UTP20: variants seen among roughly 807,000 people sequenced by gnomAD.
The protein encoded by UTP20 is small subunit processome component 20 homolog.
A neutral mutation model predicts 329.5 loss-of-function variants in UTP20; 164 were observed. That is an observed-to-expected ratio of 0.50 (90% CI 0.44 to 0.57). The LOEUF is 0.57. UTP20 is among the 20% of genes least tolerant of loss of function. UTP20 has a pLI of 0.00. For missense variants in UTP20, 3,055 were observed against 3,284.2 expected (o/e 0.93, Z 1.71); for synonymous variants, 1,151 against 1,159.3 (o/e 0.99, Z 0.14).
At chr12:101,320,417 G>A (rs541333498) in intron 23 of UTP20, among the ~76,000 whole-genome samples, 2 of 152,168 alleles carry the variant, frequency 1.3e-5, no homozygotes, top group East Asian at 1.9e-4. Context: ...TTAGCCAAGT[G>A]TGGTGGTGGG....
chr12:101,373,990 C>CT lies in UTP20; in HGVS notation c.7131+226dup, dbSNP rs534485562. Among the ~76,000 whole-genome samples the CT allele has an allele frequency of 1.0e-3, 155 of 152,226 alleles. No individual in the cohort carries two copies. The East Asian group carries it at 0.012, about 12-fold the overall frequency. On this transcript the variant is annotated intron_variant, in intron 54 of 61. Transcript: ENST00000261637. ...GTGGCTCACGCCTGTAATCCCAGCA[C>CT]TTTGGGAGGCCGAGGCGGGCGGATC...
intron 18 of UTP20, 64 bp from the exon 19 acceptor site, chr12:101,309,699 T>C (rs942473118): frequency 9.9e-6 from 15 of 1,508,442 alleles, no homozygotes; most frequent in African/African-American, 1.4e-5. Flanking sequence ...TGTTTGCATT[T>C]CAGTACTTCT....
chr12:101,288,585 G>C (rs1259602456), intron 5 of UTP20, among the ~76,000 whole-genome samples: 2 of 152,122 alleles, frequency 1.3e-5, no homozygotes, highest in East Asian at 3.9e-4. Context: ...TCCTCTTTTA[G>C]ATGGACCAGC....
At chr12:101,370,052 T>TTA (rs1555202768) in intron 49 of UTP20, among the ~76,000 whole-genome samples, 161 bp downstream of exon 49, 11 of 122,124 alleles carry the variant, frequency 9.0e-5, no homozygotes, top group African/African-American at 3.0e-4. Context: ...CGTGTCTACA[T>TTA]AAAAAAAAAA....
intron 21 of UTP20, among the ~76,000 whole-genome samples, chr12:101,312,706 C>T (rs1012375307): frequency 3.3e-5 from 5 of 152,222 alleles, no homozygotes; most frequent in Non-Finnish European, 5.9e-5. Flanking sequence ...TCCCAAAGTG[C>T]TGGGATTACA....
intron 56 of UTP20, among the ~76,000 whole-genome samples, chr12:101,377,373 C>T (rs1870509541): frequency 2.0e-5 from 3 of 152,114 alleles, no homozygotes; most frequent in Admixed American, 6.5e-5. Flanking sequence ...ACTCTGTCGC[C>T]AGGCTGGAGT....
Position 101,286,447 on chromosome 12 carries a change from G to T in UTP20, c.453G>T (p.Ser151=), listed in dbSNP as rs1290527449. 1.2e-6 allele frequency: 2 copies of T among 1,613,714 alleles called. No homozygotes were observed. The highest frequency in any genetic ancestry group is 1.7e-6 in the Non-Finnish European group (2 of 1,179,908). Residue 151 remains serine (S), a synonymous_variant, in exon 5 of 62, where the codon TCG becomes TCT. Transcript: ENST00000261637. ...AGTTGTTAGAATGGGCTTTCACCTC[G>T]TTATCATATCTTTATAAGTACCTGT... is the stretch of plus-strand genomic sequence containing the variant. ...DTELLEWAFT[S]LSYLYKYLWR... is the part of the protein sequence containing the mutation.
In UTP20 at chr12:101,343,003, C is replaced by G; in HGVS notation, c.4359C>G (p.Phe1453Leu). 1.2e-6 allele frequency: 2 copies of G among 1,613,848 alleles called. No homozygotes were observed. The highest frequency in any genetic ancestry group is 1.7e-6 in the Non-Finnish European group (2 of 1,179,854). ...DINFDVRFET[F>L]QTITSYIKEM... ...ACTTCGACGTTCGCTTTGAGACTTT[C>G]CAGACCATCACCTCTTACATTAAAG... The change falls in exon 35 of 62, where the codon TTC becomes TTG. Residue 1453 changes from phenylalanine to leucine, a missense_variant. Phe to Leu is a conservative substitution (Grantham distance 22). Coordinates refer to ENST00000261637, the MANE Select transcript of UTP20 (RefSeq NM_014503.3).
At chr12:101,286,985 G>A (rs947566153) in intron 5 of UTP20, among the ~76,000 whole-genome samples, 1 of 152,186 alleles carries the variant, frequency 6.6e-6, no homozygotes, top group African/African-American at 2.4e-5. Context: ...CTCAGTATTT[G>A]TGAGTAAATG....
rs1869722583 is a variant in UTP20 at position 101,356,410 on chromosome 12, G to A, written c.5395-144G>A. 7 of 800,752 alleles carry A rather than the reference G, an allele frequency of 8.7e-6. No individual in the cohort carries two copies. The Admixed American group carries it at 1.7e-4, about 20-fold the overall frequency. 49.6% of individuals were successfully genotyped at this position (800,752 alleles called of 1,614,324 possible). A position where few individuals can be genotyped will look rare whatever the true frequency, so the allele number is the denominator to read the frequency against. ...CAAAGTGCTGGGATTCCAGGCATGA[G>A]CCACCGCACCCAGCCTTTTCTTTCT... On this transcript the variant is annotated intron_variant, in intron 41 of 61. Transcript: ENST00000261637.
Position 101,302,601 on chromosome 12 carries a change from G to C in UTP20, c.1781+48G>C, listed in dbSNP as rs1002442299. ...GTTTAGTAATGAATAAAATATAAAA[G>C]CCTCTATTGTTGTGAAATCTTGGAC... On this transcript the variant is annotated intron_variant, in intron 15 of 61. Coordinates refer to ENST00000261637, the MANE Select transcript of UTP20 (RefSeq NM_014503.3). 7 of 1,267,044 alleles carry C rather than the reference G, an allele frequency of 5.5e-6. No individual in the cohort carries two copies. The African/African-American group carries it at 1.1e-4, about 19-fold the overall frequency. The allele number at this position is 1,267,044 out of a possible 1,614,324, so 78.5% of individuals were successfully genotyped here. A position where few individuals can be genotyped will look rare whatever the true frequency, so the allele number is the denominator to read the frequency against.
At chr12:101,289,673 A>G (rs1047202064) in intron 6 of UTP20, among the ~76,000 whole-genome samples, 21 of 152,290 alleles carry the variant, frequency 1.4e-4, no homozygotes, top group African/African-American at 4.3e-4. Flanking sequence ...CAGTAAATAC[A>G]TGAACTGTGA....
rs1161712640 is a variant in UTP20 at position 101,312,140 on chromosome 12, G to T, written c.2416G>T (p.Ala806Ser). 1 of 1,614,208 alleles carries T rather than the reference G, an allele frequency of 6.2e-7. No individual in the cohort carries two copies. The highest frequency in any genetic ancestry group is 1.1e-5 in the South Asian group (1 of 91,080). ...TGGAGCTCTTTATCATGAGCAGTTA[G>T]CATTGAAAACTGACTGTCAGGAAAG... ...DVGALYHEQLALKTDCQERLD... is the reference protein window; with the variant it reads ...DVGALYHEQLSLKTDCQERLD... The change falls in exon 21 of 62, where the codon GCA (alanine) becomes TCA (serine). Residue 806 changes from alanine (A) to serine (S), a missense_variant. Ala to Ser is a moderately conservative substitution (Grantham distance 99). This residue lies in a region of UTP20 where 2,445 missense variants were observed against 2,575.5 expected (regional missense o/e 0.95). Transcript: ENST00000261637.
At position 101,346,541 on chromosome 12, in the gene UTP20, A is replaced by G. The variant is rs1869330897; in HGVS notation, c.4837A>G (p.Ile1613Val). Residue 1613 changes from isoleucine (I) to valine (V), a missense_variant, in exon 38 of 62, where the codon ATC (isoleucine) becomes GTC (valine). Physicochemically the swap from Ile to Val is conservative, Grantham distance 29. This residue lies in a region of UTP20 where 2,445 missense variants were observed against 2,575.5 expected (regional missense o/e 0.95). Transcript: ENST00000261637. ...VLSSKSLQNY[I>V]MPYAMTPIFD... The stretch of plus-strand genomic sequence containing the variant: ...GTCTTCTAAATCTCTTCAGAATTAC[A>G]TCATGCCTTATGCCATGACTCCAAT... 1.9e-6 allele frequency: 3 copies of G among 1,607,658 alleles called. No individual in the cohort carries two copies. The highest frequency in any genetic ancestry group is 2.5e-6 in the Non-Finnish European group (3 of 1,177,646).
At chr12:101,294,683 C>T (rs1872291444) in intron 11 of UTP20, among the ~76,000 whole-genome samples, 1 of 151,894 alleles carries the variant, frequency 6.6e-6, no homozygotes, top group Admixed American at 6.6e-5. Flanking sequence ...GCTGGGATTA[C>T]AGTCATGTGC....
chr12:101,289,070 C>T (rs1222377380), intron 6 of UTP20, 29 bp downstream of exon 6: 7 of 1,581,820 alleles, frequency 4.4e-6, no homozygotes, highest in Non-Finnish European at 3.5e-6. Flanking sequence ...CTGTTTGTTG[C>T]TAATCATCAA....
At chr12:101,374,656 C>G (rs943557947) in intron 54 of UTP20, 152 bp from the exon 55 acceptor site, 1 of 553,866 alleles carries the variant, frequency 1.8e-6, no homozygotes, top group South Asian at 3.7e-5. Flanking sequence ...TATTGGCCAT[C>G]AAAGCTCCAT....
intron 35 of UTP20, among the ~76,000 whole-genome samples, chr12:101,343,619 C>T (rs1178964812): frequency 1.3e-5 from 2 of 152,246 alleles, no homozygotes; most frequent in East Asian, 3.9e-4. Flanking sequence ...AACCAATTCT[C>T]CCACCTCAGC....
Position 101,319,585 on chromosome 12 carries a change from A to T in UTP20, c.2779A>T (p.Asn927Tyr). 2 of 1,608,398 alleles carry T rather than the reference A, an allele frequency of 1.2e-6. No individual in the cohort carries two copies. The highest frequency in any genetic ancestry group is 1.7e-6 in the Non-Finnish European group (2 of 1,179,202). The change falls in exon 23 of 62, where the codon AAT (asparagine) becomes TAT (tyrosine). Residue 927 changes from asparagine (N) to tyrosine (Y), a missense_variant. Asn to Tyr is a moderately radical substitution (Grantham distance 143). Transcript: ENST00000261637. ...TTTGCAAGTTTTCTCTAAATTTTCA[A>T]ATCCACGGGCCTTATATCTGGAATC... ...AHLQVFSKFS[N>Y]PRALYLESKL... is the part of the protein sequence containing the mutation.
Sources: gnomAD v4.1 joint callset for allele counts (sites outside exome capture counted in the v4.1 genomes callset) on GRCh38, gnomAD v4.1.1 for gene constraint, gnomAD v4.1.1 regional missense constraint, MANE v1.5 for transcripts, NCBI Gene and HGNC (gene_info 2026-07-23, HGNC 2026-07-21) for gene names.